CMSS1: variants seen among roughly 807,000 people sequenced by gnomAD.
The protein encoded by CMSS1 is cms1 ribosomal small subunit homolog.
In CMSS1, 33 loss-of-function variants were observed where a neutral mutation model predicts 43.5. The observed-to-expected ratio is 0.76, with a 90% CI of 0.57 to 1.01. The LOEUF (loss-of-function observed/expected upper bound fraction) is 1.01. CMSS1 is among the 50% of genes least tolerant of loss of function. The pLI, the probability that CMSS1 is intolerant of heterozygous loss-of-function variation, is 0.00. For synonymous variants in CMSS1, 115 were observed against 117.2 expected, an observed-to-expected ratio of 0.98 and a Z score of 0.12; for missense variants, 313 against 326.4, an observed-to-expected ratio of 0.96 and a Z score of 0.32.
intron 1 of CMSS1, among the ~76,000 whole-genome samples, chr3:99,994,086 ATTT>A (rs1709602676): frequency 6.6e-6 from 1 of 152,126 alleles, no homozygotes; most frequent in African/African-American, 2.4e-5. Flanking sequence ...CTGTGAATCC[ATTT>A]GATCTTGTGC....
intron 1 of CMSS1, among the ~76,000 whole-genome samples, chr3:100,031,596 C>T (rs979667740): frequency 4.6e-5 from 7 of 152,086 alleles, no homozygotes; most frequent in African/African-American, 1.2e-4. Context: ...ACCTGAGACC[C>T]GCATCCCTTG....
chr3:100,063,562 G>A (rs1322015957), intron 1 of CMSS1, among the ~76,000 whole-genome samples: 1 of 152,060 alleles, frequency 6.6e-6, no homozygotes, highest in Non-Finnish European at 1.5e-5. Flanking sequence ...TGCATAATTA[G>A]CAACTAATGT....
intron 1 of CMSS1, among the ~76,000 whole-genome samples, chr3:99,967,051 G>A (rs1162341361): frequency 6.6e-6 from 1 of 152,120 alleles, no homozygotes; most frequent in Non-Finnish European, 1.5e-5. Flanking sequence ...AGAGGGAAAG[G>A]ATATGGGGCA....
chr3:100,108,134 T>A (rs1248288745), intron 1 of CMSS1, among the ~76,000 whole-genome samples: 1 of 152,168 alleles, frequency 6.6e-6, no homozygotes, highest in Non-Finnish European at 1.5e-5. Context: ...GCTAGTTCCT[T>A]TTATTTATAG....
At chr3:100,067,010 A>ACCCAC (rs2065677396) in intron 1 of CMSS1, among the ~76,000 whole-genome samples, 1 of 152,212 alleles carries the variant, frequency 6.6e-6, no homozygotes, top group Non-Finnish European at 1.5e-5. Context: ...ATTGAGTGAG[A>ACCCAC]TTCCTCAGTC....
intron 1 of CMSS1, among the ~76,000 whole-genome samples, chr3:100,053,608 G>T (rs1232068239): frequency 6.6e-6 from 1 of 152,200 alleles, no homozygotes; most frequent in African/African-American, 2.4e-5. Flanking sequence ...CACAGGTTTT[G>T]CTAGGTGCAT....
chr3:99,899,533 TG>T (rs1011721644), intron 1 of CMSS1, among the ~76,000 whole-genome samples: 3 of 152,230 alleles, frequency 2.0e-5, no homozygotes, highest in African/African-American at 7.2e-5. Flanking sequence ...GAGATCTAAA[TG>T]GTAGCTGTTG....
At chr3:100,010,778 A>ATTTT (rs11371196) in intron 1 of CMSS1, among the ~76,000 whole-genome samples, 13 of 93,662 alleles carry the variant, frequency 1.4e-4, no homozygotes, top group African/African-American at 2.2e-4. Flanking sequence ...CCACGCCCGG[A>ATTTT]TTTTTTTTTT....
At chr3:100,154,710 G>C (rs1250560501) in intron 2 of CMSS1, among the ~76,000 whole-genome samples, 2 of 152,036 alleles carry the variant, frequency 1.3e-5, no homozygotes, top group Non-Finnish European at 2.9e-5. Context: ...GTGGCTCATG[G>C]CCTGTAAATC....
chr3:99,941,074 T>C (rs996542601), intron 1 of CMSS1, among the ~76,000 whole-genome samples: 2 of 152,250 alleles, frequency 1.3e-5, no homozygotes, highest in Non-Finnish European at 2.9e-5. Flanking sequence ...CTGAAGCATA[T>C]AAGTTTAGTC....
At chr3:100,011,974 C>T (rs570882494) in intron 1 of CMSS1, among the ~76,000 whole-genome samples, 1 of 152,306 alleles carries the variant, frequency 6.6e-6, no homozygotes, top group East Asian at 1.9e-4. Flanking sequence ...TGGCTGCTTT[C>T]TGATATTTCG....
intron 1 of CMSS1, chr3:100,115,133 G>C (rs1272588107): frequency 1.6e-6 from 1 of 626,738 alleles, no homozygotes; most frequent in African/African-American, 1.8e-5. Context: ...TTGAGGGGTT[G>C]GATAGAAGGG....
intron 1 of CMSS1, among the ~76,000 whole-genome samples, chr3:99,841,137 A>G (rs1350266653): frequency 6.6e-6 from 1 of 152,230 alleles, no homozygotes; most frequent in Non-Finnish European, 1.5e-5. Flanking sequence ...AAGAAAACAT[A>G]TTGCATACTA....
At chr3:100,058,591 G>A (rs2065505508) in intron 1 of CMSS1, among the ~76,000 whole-genome samples, 1 of 152,112 alleles carries the variant, frequency 6.6e-6, no homozygotes, top group African/African-American at 2.4e-5. Context: ...AATCCCCTTG[G>A]TGGACAAAGA....
At chr3:99,848,768 C>G (rs1211783019) in intron 1 of CMSS1, 1 of 1,614,138 alleles carries the variant, frequency 6.2e-7, no homozygotes, top group Non-Finnish European at 8.5e-7. Context: ...ATGCCTTGTT[C>G]TAAATTCATG....
intron 1 of CMSS1, among the ~76,000 whole-genome samples, chr3:99,922,135 T>G (rs1707144651): frequency 6.6e-6 from 1 of 152,230 alleles, no homozygotes; most frequent in Non-Finnish European, 1.5e-5. Context: ...CTCTTTGTAT[T>G]ATGCCAGGCA....
intron 1 of CMSS1, among the ~76,000 whole-genome samples, chr3:99,989,168 T>A (rs936995945): frequency 1.3e-5 from 2 of 152,216 alleles, no homozygotes; most frequent in Non-Finnish European, 2.9e-5. Flanking sequence ...GGTATTATAA[T>A]TTTCTTGGAG....
chr3:100,037,461 C>T (rs1194095916), intron 1 of CMSS1, among the ~76,000 whole-genome samples: 1 of 152,088 alleles, frequency 6.6e-6, no homozygotes, highest in Non-Finnish European at 1.5e-5. Context: ...GACACACACA[C>T]ACACACGCAC....
At chr3:100,061,514 C>T (rs540196204) in intron 1 of CMSS1, among the ~76,000 whole-genome samples, 1 of 152,238 alleles carries the variant, frequency 6.6e-6, no homozygotes, top group South Asian at 2.1e-4. Flanking sequence ...TTATTAATAC[C>T]TCCTGCAGAG....
Sources: allele counts gnomAD v4.1 joint callset (sites outside exome capture counted in the v4.1 genomes callset), GRCh38; gene constraint gnomAD v4.1.1; transcripts MANE v1.5; gene names NCBI Gene and HGNC (gene_info 2026-07-23, HGNC 2026-07-21).